The following STK32B variants were observed in gnomAD, a reference collection of about 807,000 sequenced individuals.
The protein encoded by STK32B is serine/threonine kinase 32B.
In STK32B, 43 loss-of-function variants were observed where a neutral mutation model predicts 52.6. The ratio of observed to expected loss-of-function variants is 0.82; its 90% CI spans 0.64 to 1.05. STK32B has a LOEUF of 1.05. STK32B is among the 50% of genes least tolerant of loss of function. STK32B has a pLI of 0.00. For synonymous variants in STK32B, 238 were observed against 204.3 expected (o/e 1.17, Z -1.41); for missense variants, 621 against 534.6 (o/e 1.16, Z -1.59).
chr4:5,408,615 G>A (rs1737831135), intron 5 of STK32B, among the ~76,000 whole-genome samples: 1 of 152,122 alleles, frequency 6.6e-6, no homozygotes, highest in African/African-American at 2.4e-5. Context: ...GAAAGTGAAG[G>A]ACAATCCTTC....
At chr4:5,195,761 G>C (rs1015331024) in intron 3 of STK32B, among the ~76,000 whole-genome samples, 1 of 152,182 alleles carries the variant, frequency 6.6e-6, no homozygotes, top group Non-Finnish European at 1.5e-5. Flanking sequence ...AGAAAGTTGG[G>C]AAGGCTTAAC....
intron 4 of STK32B, among the ~76,000 whole-genome samples, chr4:5,346,008 A>G (rs970989691): frequency 1.4e-4 from 22 of 152,090 alleles, no homozygotes; most frequent in African/African-American, 5.1e-4. Context: ...GTGTTCCTAT[A>G]TTGAAATGCT....
intron 1 of STK32B, among the ~76,000 whole-genome samples, chr4:5,126,495 C>T (rs1348821268): frequency 6.6e-6 from 1 of 152,252 alleles, no homozygotes; most frequent in African/African-American, 2.4e-5. Context: ...GCTACTCACA[C>T]TGCCCAGTGT....
intron 3 of STK32B, among the ~76,000 whole-genome samples, chr4:5,319,383 A>T (rs938209963): frequency 6.6e-6 from 1 of 152,208 alleles, no homozygotes; most frequent in Non-Finnish European, 1.5e-5. Context: ...AGGTCCTCCA[A>T]CTAATTGGAT....
At chr4:5,159,009 C>G (rs981418283) in intron 2 of STK32B, among the ~76,000 whole-genome samples, 5 of 152,184 alleles carry the variant, frequency 3.3e-5, no homozygotes, top group African/African-American at 1.2e-4. Context: ...CATCACTCAC[C>G]TCTGTCATCT....
At chr4:5,162,225 C>T (rs1718501829) in intron 2 of STK32B, among the ~76,000 whole-genome samples, 1 of 152,156 alleles carries the variant, frequency 6.6e-6, no homozygotes. Flanking sequence ...AGAGCCCTGA[C>T]CATAAAGGAC....
intron 2 of STK32B, among the ~76,000 whole-genome samples, chr4:5,166,603 G>A (rs999078948): frequency 2.6e-5 from 4 of 151,402 alleles, no homozygotes; most frequent in African/African-American, 9.7e-5. Context: ...GCAGCTGCAA[G>A]CTAAGGGCAC....
intron 2 of STK32B, among the ~76,000 whole-genome samples, chr4:5,158,402 GCACACCAT>G (rs1718034687): frequency 6.6e-6 from 1 of 152,116 alleles, no homozygotes; most frequent in South Asian, 2.1e-4. Context: ...TATTTTTAAA[GCACACCAT>G]CACCTCTCTT....
chr4:5,409,208 C>T (rs1737865447), intron 5 of STK32B, among the ~76,000 whole-genome samples: 1 of 152,046 alleles, frequency 6.6e-6, no homozygotes, highest in African/African-American at 2.4e-5. Flanking sequence ...ACCCTTGCTG[C>T]AAGAGAGTTA....
intron 1 of STK32B, among the ~76,000 whole-genome samples, chr4:5,100,791 T>TTTTCCTTCCCTTCTCTTTCTTTC (rs373087561): frequency 2.5e-5 from 1 of 39,628 alleles, no homozygotes; most frequent in Non-Finnish European, 4.5e-5. Flanking sequence ...TTCCTTCCTT[T>TTTTCCTTCCCTTCTCTTTCTTTC]ATTCCTTCCC....
rs572545507 is a variant in STK32B, at chr4:5,345,129, A to G, written c.434+13736A>G. 2.6e-5 allele frequency among the ~76,000 whole-genome samples: 4 copies of G among 152,140 alleles called. No individual in the cohort carries two copies. The South Asian group carries it at 8.3e-4, about 32-fold the overall frequency. On this transcript the variant is annotated intron_variant, in intron 4 of 11. Transcript: ENST00000282908. ...GATAAGTATAGAAATGCTAATTTTT[A>G]TACAATTTATCATTTTTATCATCTT...
At chr4:5,202,755 C>A (rs1265955389) in intron 3 of STK32B, among the ~76,000 whole-genome samples, 5 of 152,228 alleles carry the variant, frequency 3.3e-5, no homozygotes, top group African/African-American at 9.6e-5. Flanking sequence ...TGCATGGCAG[C>A]CCCAGGTGTC....
intron 11 of STK32B, among the ~76,000 whole-genome samples, chr4:5,494,529 A>C (rs568590898): frequency 4.2e-4 from 64 of 152,198 alleles, no homozygotes; most frequent in African/African-American, 1.5e-3. Context: ...CTCTTTATCC[A>C]GTTTGCCAGT....
At chr4:5,100,979 G>A (rs2108793974) in intron 1 of STK32B, among the ~76,000 whole-genome samples, 1 of 151,962 alleles carries the variant, frequency 6.6e-6, no homozygotes, top group Non-Finnish European at 1.5e-5. Flanking sequence ...GCTCACTGCA[G>A]CCTCGAACTC....
In STK32B at chr4:5,364,096, C is replaced by A. The variant is rs550300426; in HGVS notation, c.434+32703C>A. Among the ~76,000 whole-genome samples the A allele has an allele frequency of 1.3e-4, 20 of 151,250 alleles. No homozygotes were observed. The South Asian group carries it at 4.2e-3, about 32-fold the overall frequency. On this transcript the variant is annotated intron_variant, in intron 4 of 11. Transcript: ENST00000282908. ...TTCTTAAAAACATTCACTGACCCCC[C>A]CCACTGTCCACAGGACAAAGTCTTA...
chr4:5,425,287 C>T (rs901149489), intron 6 of STK32B, among the ~76,000 whole-genome samples: 2 of 152,156 alleles, frequency 1.3e-5, no homozygotes, highest in Non-Finnish European at 2.9e-5. Context: ...GTTGGTGAAG[C>T]AACACCCCAA....
At position 5,121,997 on chromosome 4, in the gene STK32B, G is replaced by A. The variant is rs116087325; in HGVS notation, c.53-17908G>A. Among the ~76,000 whole-genome samples, 1,384 of 152,334 alleles carry A rather than the reference G, an allele frequency of 9.1e-3. 26 individuals are homozygous for A. Among genetic ancestry groups the A allele is most frequent in the African/African-American group, 0.03 (1,238 of 41,570 alleles). ...GATCAACCTCCATAGAACCATGCAA[G>A]AGTGATTGTGTGTTCACAGTGTCCA... is the stretch of plus-strand genomic sequence containing the variant. On this transcript the variant is annotated intron_variant, in intron 1 of 11. Coordinates refer to ENST00000282908, the MANE Select transcript of STK32B (RefSeq NM_018401.3).
intron 3 of STK32B, among the ~76,000 whole-genome samples, chr4:5,277,561 T>C (rs1458738106): frequency 6.6e-6 from 1 of 152,194 alleles, no homozygotes; most frequent in East Asian, 1.9e-4. Context: ...ATTTGTAACA[T>C]GCGGATAAAA....
At position 5,204,934 on chromosome 4, in the gene STK32B, C is replaced by A. The variant is rs143610956; in HGVS notation, c.260+36484C>A. On this transcript the variant is annotated intron_variant, in intron 3 of 11. Coordinates refer to ENST00000282908, the MANE Select transcript of STK32B (RefSeq NM_018401.3). Reference sequence around the variant, plus strand: ...AGATTGCTGCAATAGCTGGCAAAATCATTTCTGGGTGTGTCTGTGAGGGTG... The same window carrying A: ...AGATTGCTGCAATAGCTGGCAAAATAATTTCTGGGTGTGTCTGTGAGGGTG... 1.8e-4 allele frequency among the ~76,000 whole-genome samples: 27 copies of A among 152,266 alleles called. 1 individual carries two copies. The East Asian group carries it at 4.8e-3, about 27-fold the overall frequency.
Sources: gnomAD v4.1 joint callset for allele counts (sites outside exome capture counted in the v4.1 genomes callset) on GRCh38, gnomAD v4.1.1 for gene constraint, MANE v1.5 for transcripts, NCBI Gene and HGNC (gene_info 2026-07-23, HGNC 2026-07-21) for gene names.